Variants in FGB observed in about 807,000 individuals in gnomAD.
FGB encodes the protein beta-fibrinogen.
In FGB, 25 loss-of-function variants were observed where a neutral mutation model predicts 57.9. That is an observed-to-expected ratio of 0.43 (90% CI 0.31 to 0.60). The LOEUF (loss-of-function observed/expected upper bound fraction) is 0.60. FGB is among the 20% of genes least tolerant of loss of function. The probability of loss-of-function intolerance (pLI) is 0.08; values close to 1 mark genes in which losing one functional copy is unlikely to be tolerated. For synonymous variants in FGB, 203 were observed against 199.2 expected (o/e 1.02, Z -0.16); for missense variants, 536 against 598.4 (o/e 0.90, Z 1.09).
At chr4:154,569,061 G>T (rs1485703693) in intron 5 of FGB, 121 bp from the exon 6 acceptor site, 25 of 1,087,506 alleles carry the variant, frequency 2.3e-5, no homozygotes, top group Non-Finnish European at 3.5e-5. Context: ...TCCTTATTGT[G>T]TCTATTTTAG....
intron 7 of FGB, 77 bp downstream of exon 7, chr4:154,569,876 A>G (rs1463174932): frequency 1.3e-6 from 2 of 1,532,770 alleles, no homozygotes; most frequent in African/African-American, 2.7e-5. Context: ...AATATTTTTA[A>G]TAGCTACCAC....
At position 154,570,647 on chromosome 4, in the gene FGB, A is replaced by C; in HGVS notation, c.1473A>C (p.Gln491His). 1 of 1,609,366 alleles carries C rather than the reference A, an allele frequency of 6.2e-7. No homozygotes were observed. Among genetic ancestry groups the C allele is most frequent in the Non-Finnish European group, 8.5e-7 (1 of 1,175,714 alleles). The change falls in exon 8 of 8, where the codon CAA becomes CAC. Residue 491 changes from glutamine to histidine, a missense_variant. Around this residue, in one of 3 missense-constraint regions of FGB, gnomAD observed 177 missense variants for 193.7 expected, o/e 0.91. Transcript: ENST00000302068. ...AGATCAGGCCCTTCTTCCCACAGCA[A>C]TAGTCCCCAATACGTAGATTTTTGC... ...SMKIRPFFPQ[Q>H]
intron 3 of FGB, among the ~76,000 whole-genome samples, chr4:154,566,931 T>C (rs1410682181): frequency 2.0e-5 from 3 of 152,216 alleles, no homozygotes; most frequent in Admixed American, 6.5e-5. Context: ...AACTTGTGAC[T>C]CAGAAGATAA....
rs774271682 is a variant in FGB at position 154,563,122 on chromosome 4, A to G, written c.104A>G (p.Asp35Gly). The change falls in exon 1 of 8, where the codon GAC becomes GGC. Residue 35 changes from aspartate to glycine, a missense_variant. By Grantham distance (94) the Asp-to-Gly change is moderately conservative (BLOSUM62 -1). Coordinates refer to ENST00000302068, the MANE Select transcript of FGB (RefSeq NM_005141.5). ...CTAGTTAAGTCCCAAGGTGTCAACG[A>G]CAATGAGGAGGTGAATTTTTTAAAG... is the stretch of plus-strand genomic sequence containing the variant. ...VFLVKSQGVN[D>G]NEEGFFSARG... 4 of 1,481,872 alleles carry G rather than the reference A, an allele frequency of 2.7e-6. No individual in the cohort carries two copies. The highest frequency in any genetic ancestry group is 2.8e-6 in the Non-Finnish European group (3 of 1,079,896). 91.8% of individuals were successfully genotyped at this position (1,481,872 alleles called of 1,614,324 possible).
At chr4:154,569,844 A>ATCAT in intron 7 of FGB, 45 bp downstream of exon 7, 1 of 1,597,584 alleles carries the variant, frequency 6.3e-7, no homozygotes. Context: ...TCACACTAAT[A>ATCAT]TCATTACTCA....
intron 1 of FGB, chr4:154,565,078 C>G: frequency 3.9e-6 from 1 of 254,100 alleles, no homozygotes; most frequent in Non-Finnish European, 8.5e-6. Flanking sequence ...GTAATGAGCA[C>G]TTATTATTGC....
At chr4:154,567,876 A>T in intron 4 of FGB, 56 bp downstream of exon 4, 1 of 1,231,484 alleles carries the variant, frequency 8.1e-7, no homozygotes, top group Non-Finnish European at 1.2e-6. Context: ...ACACACCAAA[A>T]ATAAGAGAAC....
chr4:154,565,558 A>G lies in FGB; in HGVS notation c.115-250A>G, dbSNP rs1036896199. 25 of 507,838 alleles carry G rather than the reference A, an allele frequency of 4.9e-5. 1 individual carries two copies. Among genetic ancestry groups the G allele is most frequent in the Non-Finnish European group, 7.8e-5 (22 of 282,656 alleles). 31.5% of individuals were successfully genotyped at this position (507,838 alleles called of 1,614,324 possible). ...TGAGGTCATTACTATTCATAATCTG[A>G]TACAGCTTTATCCTAAGGCCTCTCT... is the stretch of plus-strand genomic sequence containing the variant. On this transcript the variant is annotated intron_variant, in intron 1 of 7. Coordinates refer to ENST00000302068, the MANE Select transcript of FGB (RefSeq NM_005141.5).
At position 154,569,282 on chromosome 4, in the gene FGB, T is replaced by G. The variant is rs151153332; in HGVS notation, c.933T>G (p.Asp311Glu). Residue 311 changes from aspartate (D) to glutamate (E), a missense_variant, in exon 6 of 8, where the codon GAT becomes GAG. Around this residue, in one of 3 missense-constraint regions of FGB, gnomAD observed 354 missense variants for 383.4 expected, o/e 0.92. Transcript: ENST00000302068. ...TTGGAAATGTTGCAACCAACACAGA[T>G]GGGAAGAATTACTGTGGCCTACCAG... is the stretch of plus-strand genomic sequence containing the variant. ...QGFGNVATNT[D>E]GKNYCGLPGE... is the part of the protein sequence containing the mutation. The G allele has an allele frequency of 6.8e-5, 109 of 1,613,928 alleles. No individual in the cohort carries two copies. The African/African-American group carries it at 1.3e-3, about 19-fold the overall frequency.
At position 154,571,413 on chromosome 4, in the gene FGB, G is replaced by A. The variant is rs890578394; in HGVS notation, c.*763G>A. On this transcript the variant is annotated 3_prime_UTR_variant, in exon 8 of 8. Coordinates refer to ENST00000302068, the MANE Select transcript of FGB (RefSeq NM_005141.5). ...CTACCTGTGAGGTGGAGATTGCATT[G>A]AGCCAAGATCTCAACACTGCACTCC... Among the ~76,000 whole-genome samples, 2 of 149,758 alleles carry A rather than the reference G, an allele frequency of 1.3e-5. No individual in the cohort carries two copies. The highest frequency in any genetic ancestry group is 6.7e-5 in the Admixed American group (1 of 14,900).
intron 7 of FGB, 94 bp downstream of exon 7, chr4:154,569,893 G>A (rs1187242853): frequency 7.9e-6 from 11 of 1,393,360 alleles, no homozygotes; most frequent in Non-Finnish European, 9.1e-6. Context: ...CCACTTCCTG[G>A]GCACTTACTG....
At chr4:154,569,428 T>C in intron 6 of FGB, 86 bp from the exon 7 acceptor site, 1 of 1,581,906 alleles carries the variant, frequency 6.3e-7, no homozygotes. Flanking sequence ...GACAAAAATG[T>C]GGAAGCTAAA....
intron 2 of FGB, 50 bp downstream of exon 2, chr4:154,566,049 G>A: frequency 6.5e-7 from 1 of 1,535,776 alleles, no homozygotes; most frequent in Non-Finnish European, 9.0e-7. Context: ...TGCAGAGAAA[G>A]CCTGTAGTCA....
chr4:154,566,876 T>C (rs1227655896), intron 3 of FGB: 1 of 582,248 alleles, frequency 1.7e-6, no homozygotes, highest in Admixed American at 3.0e-5. Flanking sequence ...AGTGTGATTT[T>C]CTATGAAAAA....
intron 2 of FGB, 137 bp from the exon 3 acceptor site, chr4:154,566,352 T>C (rs1473096236): frequency 1.3e-5 from 10 of 791,790 alleles, no homozygotes; most frequent in Middle Eastern, 3.4e-4. Context: ...GACTTTCGAA[T>C]TTCTGGTCTT....
chr4:154,563,271 T>C (rs1411209218), intron 1 of FGB, 139 bp downstream of exon 1: 1 of 519,540 alleles, frequency 1.9e-6, no homozygotes, highest in African/African-American at 1.9e-5. Flanking sequence ...TGACTTATTG[T>C]ATTTAAAGAA....
At chr4:154,564,924 T>C (rs1730093622) in intron 1 of FGB, among the ~76,000 whole-genome samples, 1 of 152,212 alleles carries the variant, frequency 6.6e-6, no homozygotes, top group South Asian at 2.1e-4. Flanking sequence ...AATCATAATG[T>C]TTGATAAAGA....
At chr4:154,568,011 G>A (rs1461877178) in intron 4 of FGB, among the ~76,000 whole-genome samples, 191 bp downstream of exon 4, 2 of 152,186 alleles carry the variant, frequency 1.3e-5, no homozygotes, top group East Asian at 3.9e-4. Flanking sequence ...TGGTTTTGAT[G>A]AGCAGGATGG....
At chr4:154,566,072 A>T in intron 2 of FGB, 73 bp downstream of exon 2, 1 of 1,273,966 alleles carries the variant, frequency 7.8e-7, no homozygotes, top group Non-Finnish European at 1.1e-6. Context: ...GCAGTCTGCT[A>T]ATGTTTCACT....
Sources: gnomAD v4.1 joint callset for allele counts (sites outside exome capture counted in the v4.1 genomes callset) on GRCh38, gnomAD v4.1.1 for gene constraint, gnomAD v4.1.1 regional missense constraint, MANE v1.5 for transcripts, NCBI Gene and HGNC (gene_info 2026-07-23, HGNC 2026-07-21) for gene names.